The following SPATS1 variants were observed in gnomAD, a reference collection of about 807,000 sequenced individuals.
The protein encoded by SPATS1 is spermatogenesis-associated serine-rich protein 1.
Under a neutral mutation model 33.6 loss-of-function variants are expected in SPATS1, and 23 were observed. That is an observed-to-expected ratio of 0.68 (90% CI 0.49 to 0.97). SPATS1 has a LOEUF of 0.97. SPATS1 is among the 50% of genes least tolerant of loss of function. The probability of loss-of-function intolerance (pLI) is 0.00; values close to 1 mark genes in which losing one functional copy is unlikely to be tolerated. For missense variants in SPATS1, 327 were observed against 361.0 expected, an observed-to-expected ratio of 0.91 and a Z score of 0.76; for synonymous variants, 131 against 125.6, an observed-to-expected ratio of 1.04 and a Z score of -0.29.
At position 44,361,993 on chromosome 6, in the gene SPATS1, G is replaced by C; in HGVS notation, c.574+1G>C. 6.2e-7 allele frequency: 1 copy of C among 1,614,198 alleles called. No individual in the cohort carries two copies. The highest frequency in any genetic ancestry group is 8.5e-7 in the Non-Finnish European group (1 of 1,180,024). On this transcript the variant is annotated splice_donor_variant, in intron 5 of 8. Transcript: ENST00000674044. LOFTEE classifies it high-confidence loss of function. ...AAGTGCTTTGGGAGAAAGAAATACG[G>C]TGATGTTTCCTTCTGGGTCTTGACT...
chr6:44,376,830 G>A (rs1789992082), intron 8 of SPATS1, among the ~76,000 whole-genome samples: 2 of 152,110 alleles, frequency 1.3e-5, no homozygotes, highest in Admixed American at 6.6e-5. Flanking sequence ...AAACAAAACT[G>A]GAGGAGTCCA....
chr6:44,377,282 T>C lies in SPATS1; in HGVS notation c.*219T>C. On this transcript the variant is annotated 3_prime_UTR_variant, in exon 9 of 9. Coordinates refer to ENST00000674044, the MANE Select transcript of SPATS1 (RefSeq NM_001372081.1). ...ACCTGCATATCCTTCACATAGATTC[T>C]ATCATTGTTAATATTTGTTCAAACT... The C allele has an allele frequency of 1.4e-5, 8 of 591,324 alleles. 1 individual carries two copies. The South Asian group carries it at 1.6e-4, about 12-fold the overall frequency. 36.6% of individuals were successfully genotyped at this position (591,324 alleles called of 1,614,324 possible).
chr6:44,350,338 A>G (rs933228421), intron 2 of SPATS1, among the ~76,000 whole-genome samples: 4 of 152,240 alleles, frequency 2.6e-5, no homozygotes, highest in Non-Finnish European at 5.9e-5. Flanking sequence ...GACTTCAAGA[A>G]GGAGATTACT....
At chr6:44,374,075 C>T (rs1484661275) in intron 7 of SPATS1, among the ~76,000 whole-genome samples, 2 of 152,154 alleles carry the variant, frequency 1.3e-5, no homozygotes, top group Non-Finnish European at 2.9e-5. Context: ...GATCTGGGTC[C>T]TAGATGAGGC....
chr6:44,374,025 T>C lies in SPATS1; in HGVS notation c.759-2333T>C, dbSNP rs72866233. Among the ~76,000 whole-genome samples, 945 of 152,252 alleles carry C rather than the reference T, an allele frequency of 6.2e-3. 23 individuals are homozygous for C. The highest frequency in any genetic ancestry group is 8.3e-3 in the East Asian group (43 of 5,184). ...ACAATGTGTACATAGAGGAAAGACATGGGGGAAGTTGAGGACATGTTGCAG... is the reference window on the plus strand; with the variant it reads ...ACAATGTGTACATAGAGGAAAGACACGGGGGAAGTTGAGGACATGTTGCAG... On this transcript the variant is annotated intron_variant, in intron 7 of 8. Transcript: ENST00000674044.
chr6:44,370,152 AT>A (rs748180001), intron 7 of SPATS1, 39 bp downstream of exon 7: 1 of 1,541,186 alleles, frequency 6.5e-7, no homozygotes, highest in Non-Finnish European at 8.9e-7. Context: ...TCCCATCTTT[AT>A]TAAATATCGA....
intron 6 of SPATS1, among the ~76,000 whole-genome samples, chr6:44,369,654 T>G (rs962897055): frequency 2.0e-5 from 3 of 151,986 alleles, no homozygotes; most frequent in Non-Finnish European, 2.9e-5. Flanking sequence ...GGAGGATTGC[T>G]TCAGCCCAGG....
In SPATS1 at chr6:44,354,445, CAT is replaced by C. The variant is rs200256389; in HGVS notation, c.287+1575_287+1576del. Among the ~76,000 whole-genome samples, 1,223 of 151,954 alleles carry C rather than the reference CAT, an allele frequency of 8.0e-3. 17 individuals are homozygous for C. Among genetic ancestry groups the C allele is most frequent in the African/African-American group, 0.028 (1,167 of 41,376 alleles). The stretch of plus-strand genomic sequence containing the variant: ...TTAGTTTTTTATATGTGCAAGTAAA[CAT>C]ATTTTTTGCACATAAAATATATATT... On this transcript the variant is annotated intron_variant, in intron 3 of 8. Transcript: ENST00000674044.
chr6:44,364,059 A>T (rs571078403), intron 5 of SPATS1, among the ~76,000 whole-genome samples: 12 of 152,196 alleles, frequency 7.9e-5, no homozygotes, highest in Non-Finnish European at 4.4e-5. Context: ...CTTAGCTTCA[A>T]TAATGATCAA....
Position 44,368,898 on chromosome 6 carries a change from ATTTTTT to A in SPATS1, c.695+410_695+415del, listed in dbSNP as rs60261813. ...AAAAGAAAAATAGTTGGTGTATTAC[ATTTTTT>A]TTTTTTTTTTGAGACGGAGTCTCGC... On this transcript the variant is annotated intron_variant, in intron 6 of 8. Transcript: ENST00000674044. Among the ~76,000 whole-genome samples the A allele has an allele frequency of 8.9e-3, 1,199 of 134,586 alleles. 20 individuals are homozygous for A. The highest frequency in any genetic ancestry group is 0.031 in the African/African-American group (1,150 of 36,618). The allele number at this position is 134,586 out of a possible 152,430, so 88.3% of individuals were successfully genotyped here.
At position 44,344,364 on chromosome 6, in the gene SPATS1, G is replaced by A. The variant is rs1158113790; in HGVS notation, c.139+1130G>A. The stretch of plus-strand genomic sequence containing the variant: ...GGAGTCTATGGATTTCAGCAAGGAA[G>A]GGGCTCCACAAACCAATTGAAGATA... On this transcript the variant is annotated intron_variant, in intron 2 of 8. Coordinates refer to ENST00000674044, the MANE Select transcript of SPATS1 (RefSeq NM_001372081.1). Among the ~76,000 whole-genome samples the A allele has an allele frequency of 4.6e-5, 7 of 150,834 alleles. No homozygotes were observed. In the East Asian group the frequency reaches 1.2e-3, roughly 25 times the overall value.
At position 44,355,118 on chromosome 6, in the gene SPATS1, T is replaced by C. The variant is rs150588117; in HGVS notation, c.287+2245T>C. ...ATGAGCCACTGCTCCCAGCACATTA[T>C]GGTTTCACTGTCCTAAAAAATCCTG... On this transcript the variant is annotated intron_variant, in intron 3 of 8. Coordinates refer to ENST00000674044, the MANE Select transcript of SPATS1 (RefSeq NM_001372081.1). 3.5e-3 allele frequency among the ~76,000 whole-genome samples: 534 copies of C among 152,294 alleles called. 1 individual carries two copies. The highest frequency in any genetic ancestry group is 0.012 in the African/African-American group (507 of 41,572).
At chr6:44,343,460 A>C (rs560648144) in intron 2 of SPATS1, 5 of 636,366 alleles carry the variant, frequency 7.9e-6, no homozygotes, top group East Asian at 6.5e-5. Context: ...ACCTCACTGG[A>C]TCTCACAGCA....
chr6:44,360,157 G>A (rs902940754), intron 3 of SPATS1, among the ~76,000 whole-genome samples: 7 of 151,976 alleles, frequency 4.6e-5, no homozygotes, highest in Admixed American at 1.3e-4. Flanking sequence ...TAGTAAAGAC[G>A]GGATCTCACT....
intron 5 of SPATS1, among the ~76,000 whole-genome samples, chr6:44,365,994 A>G (rs1299996329): frequency 2.0e-5 from 3 of 152,230 alleles, no homozygotes; most frequent in Non-Finnish European, 4.4e-5. Context: ...CAAACATGTT[A>G]TCTCAGAAGT....
At chr6:44,366,129 T>TATA (rs66541781) in intron 5 of SPATS1, among the ~76,000 whole-genome samples, 29 of 90,224 alleles carry the variant, frequency 3.2e-4, no homozygotes, top group Non-Finnish European at 4.7e-4. Context: ...ATATATATAT[T>TATA]TTTTTTTTTT....
intron 2 of SPATS1, among the ~76,000 whole-genome samples, chr6:44,349,272 C>T (rs1788091915): frequency 2.4e-5 from 3 of 124,706 alleles, no homozygotes; most frequent in Admixed American, 9.8e-5. Context: ...GCACTCCAGC[C>T]TGGGCGACTC....
Position 44,360,491 on chromosome 6 carries a change from T to G in SPATS1, c.333T>G (p.Asp111Glu). 2 of 1,614,184 alleles carry G rather than the reference T, an allele frequency of 1.2e-6. No individual in the cohort carries two copies. Among genetic ancestry groups the G allele is most frequent in the Non-Finnish European group, 1.7e-6 (2 of 1,180,026 alleles). Residue 111 changes from aspartate (D) to glutamate (E), a missense_variant, in exon 4 of 9, where the codon GAT becomes GAG. Physicochemically the swap from Asp to Glu is conservative, Grantham distance 45. Transcript: ENST00000674044. Reference sequence around the variant, plus strand: ...GGAAACTCTCCTTCTCACATTCTGATCACTCCTCTGAAATGTCGTTGCCTG... The same window carrying G: ...GGAAACTCTCCTTCTCACATTCTGAGCACTCCTCTGAAATGTCGTTGCCTG... ...LDRKLSFSHS[D>E]HSSEMSLPEV...
rs187646835 is a variant in SPATS1, at chr6:44,349,540, T to A, written c.140-3186T>A. Among the ~76,000 whole-genome samples the A allele has an allele frequency of 6.3e-3, 959 of 152,284 alleles. 10 individuals carry two copies. The highest frequency in any genetic ancestry group is 0.02 in the African/African-American group (838 of 41,548). On this transcript the variant is annotated intron_variant, in intron 2 of 8. Transcript: ENST00000674044. ...AAAATCTATAAATAAATTAAAAGAA[T>A]GCATCAATAAGTATAAAATAAAAAT...
Sources: allele counts gnomAD v4.1 joint callset (sites outside exome capture counted in the v4.1 genomes callset), GRCh38; gene constraint gnomAD v4.1.1; transcripts MANE v1.5; gene names NCBI Gene and HGNC (gene_info 2026-07-23, HGNC 2026-07-21).